The following LRRC40 variants were observed in gnomAD, a reference collection of about 807,000 sequenced individuals.
LRRC40 encodes leucine-rich repeat-containing protein 40.
LRRC40 carries 76 observed loss-of-function variants against 72.8 expected under a neutral mutation model. That is an observed-to-expected ratio of 1.04 (90% CI 0.87 to 1.26). LRRC40 has a LOEUF of 1.26. LRRC40 is among the 50% of genes most tolerant of loss of function. LRRC40 has a pLI of 0.00. For missense variants in LRRC40, 684 were observed against 698.9 expected (o/e 0.98, Z 0.24); for synonymous variants, 243 against 254.2 (o/e 0.96, Z 0.42).
chr1:70,153,915 C>A (rs1479957578), intron 11 of LRRC40, among the ~76,000 whole-genome samples: 8 of 144,614 alleles, frequency 5.5e-5, no homozygotes, highest in Middle Eastern at 3.7e-3. Context: ...TAAGGGTGCA[C>A]TGAGCCGCGA....
At chr1:70,174,847 T>C (rs926396314) in intron 7 of LRRC40, among the ~76,000 whole-genome samples, 1 of 152,150 alleles carries the variant, frequency 6.6e-6, no homozygotes, top group Non-Finnish European at 1.5e-5. Context: ...ATGGCTGTGA[T>C]TACGGTTACA....
chr1:70,171,186 C>G (rs1019116033), intron 9 of LRRC40, among the ~76,000 whole-genome samples: 6 of 151,994 alleles, frequency 3.9e-5, no homozygotes, highest in Non-Finnish European at 8.8e-5. Flanking sequence ...TTACCTCACA[C>G]TGCATATAAA....
In LRRC40 at chr1:70,205,501, C is replaced by A; in HGVS notation, c.40G>T (p.Ala14Ser). Residue 14 changes from alanine (A) to serine (S), a missense_variant, in exon 1 of 15, where the codon GCT becomes TCT. Coordinates refer to ENST00000370952, the MANE Select transcript of LRRC40 (RefSeq NM_017768.5). ...TCTCTTCCACCTGCTTTGAAACCAG[C>A]GCGGAGATCCTGCCCCGCTATCCGC... The part of the protein sequence containing the change: ...LKRIAGQDLR[A>S]GFKAGGRDCG... 1 of 1,605,312 alleles carries A rather than the reference C, an allele frequency of 6.2e-7. No individual in the cohort carries two copies. Among genetic ancestry groups the A allele is most frequent in the Non-Finnish European group, 8.5e-7 (1 of 1,172,992 alleles).
In LRRC40 at chr1:70,145,769, T is replaced by A; in HGVS notation, c.*31A>T. 8.8e-7 allele frequency: 1 copy of A among 1,138,606 alleles called. No homozygotes were observed. Among genetic ancestry groups the A allele is most frequent in the Non-Finnish European group, 1.3e-6 (1 of 751,380 alleles). 70.5% of individuals were successfully genotyped at this position (1,138,606 alleles called of 1,614,324 possible). On this transcript the variant is annotated 3_prime_UTR_variant, in exon 15 of 15. Transcript: ENST00000370952. ...CCTTAGAATTAACCAGGGTTAATAATACATGACAAGGGTTATAAAGCAACT... is the reference window on the plus strand; with the variant it reads ...CCTTAGAATTAACCAGGGTTAATAAAACATGACAAGGGTTATAAAGCAACT...
At chr1:70,185,844 A>G (rs79043654) in intron 3 of LRRC40, among the ~76,000 whole-genome samples, 2,077 of 152,304 alleles carry the variant, frequency 0.014, 19 homozygotes, top group South Asian at 0.027. Flanking sequence ...GGAGGATGAT[A>G]GACTTCATGA....
chr1:70,202,169 G>A (rs1042272668), intron 1 of LRRC40, among the ~76,000 whole-genome samples: 1 of 152,048 alleles, frequency 6.6e-6, no homozygotes, highest in African/African-American at 2.4e-5. Flanking sequence ...TCTCTTATAT[G>A]ATCCAGTGAT....
chr1:70,183,324 A>G (rs1421061864), intron 4 of LRRC40, among the ~76,000 whole-genome samples: 3 of 152,118 alleles, frequency 2.0e-5, no homozygotes, highest in Non-Finnish European at 4.4e-5. Flanking sequence ...GATATTATAT[A>G]TTAGTACCTT....
At chr1:70,200,853 G>A (rs562984806) in intron 1 of LRRC40, among the ~76,000 whole-genome samples, 58 of 152,274 alleles carry the variant, frequency 3.8e-4, no homozygotes, top group Admixed American at 2.0e-3. Flanking sequence ...GGGAGAAAGC[G>A]CAATCTGAAA....
intron 1 of LRRC40, among the ~76,000 whole-genome samples, chr1:70,193,706 A>T (rs1027849980): frequency 6.6e-6 from 1 of 152,030 alleles, no homozygotes; most frequent in Non-Finnish European, 1.5e-5. Context: ...TTATAGACCC[A>T]AATTCCTGAA....
At chr1:70,156,954 T>C (rs950242252) in intron 10 of LRRC40, among the ~76,000 whole-genome samples, 1 of 152,218 alleles carries the variant, frequency 6.6e-6, no homozygotes, top group Non-Finnish European at 1.5e-5. Flanking sequence ...GACTACTATA[T>C]AGAACTCTAA....
Position 70,189,292 on chromosome 1 carries a change from C to T in LRRC40, c.152-19G>A. ...TGCGGCACTAGTTCCATCAGCACCACACCAGGAAAAAAAAAAAAAAAAAAA... is the reference window on the plus strand; with the variant it reads ...TGCGGCACTAGTTCCATCAGCACCATACCAGGAAAAAAAAAAAAAAAAAAA... On this transcript the variant is annotated intron_variant, in intron 1 of 14. Transcript: ENST00000370952. 6 of 1,154,890 alleles carry T rather than the reference C, an allele frequency of 5.2e-6. No homozygotes were observed. The highest frequency in any genetic ancestry group is 6.9e-6 in the Non-Finnish European group (6 of 869,592). The allele number at this position is 1,154,890 out of a possible 1,614,324, so 71.5% of individuals were successfully genotyped here.
At position 70,148,658 on chromosome 1, in the gene LRRC40, G is replaced by A. The variant is rs1199513940; in HGVS notation, c.1532C>T (p.Pro511Leu). ...TGTGAAGATACGATATAGAACTTCAGGTAGCATTTTAAACCTATTAATACA... is the reference window on the plus strand; with the variant it reads ...TGTGAAGATACGATATAGAACTTCAAGTAGCATTTTAAACCTATTAATACA... ...NLSFNRFKML[P>L]EVLYRIFTLE... Residue 511 changes from proline to leucine, a missense_variant, in exon 14 of 15, where the codon CCT becomes CTT. Transcript: ENST00000370952. 2 of 1,604,950 alleles carry A rather than the reference G, an allele frequency of 1.2e-6. No individual in the cohort carries two copies. Among genetic ancestry groups the A allele is most frequent in the Non-Finnish European group, 8.5e-7 (1 of 1,173,492 alleles).
At chr1:70,179,695 T>C (rs1668199327) in intron 5 of LRRC40, among the ~76,000 whole-genome samples, 1 of 152,164 alleles carries the variant, frequency 6.6e-6, no homozygotes, top group Admixed American at 6.6e-5. Flanking sequence ...TTCCTATCTC[T>C]CAAGATATTT....
At chr1:70,174,440 A>G (rs1326580353) in intron 7 of LRRC40, among the ~76,000 whole-genome samples, 1 of 152,130 alleles carries the variant, frequency 6.6e-6, no homozygotes, top group Non-Finnish European at 1.5e-5. Flanking sequence ...ACACTGCTAC[A>G]CGTTTACTCA....
intron 14 of LRRC40, 64 bp downstream of exon 14, chr1:70,148,423 A>G: frequency 1.8e-6 from 2 of 1,085,606 alleles, no homozygotes; most frequent in African/African-American, 1.7e-5. Context: ...CTGAAAAAGA[A>G]AAACAAATCA....
In LRRC40 at chr1:70,148,617, T is replaced by C; in HGVS notation, c.1573A>G (p.Ile525Val). Reference protein sequence around the residue: ...YRIFTLETILISNNQVGSVDP... With the variant: ...YRIFTLETILVSNNQVGSVDP... ...ACAGATCCAACCTGATTATTACTAA[T>C]CAGAATTGTTTCAAGTGTGAAGATA... The change falls in exon 14 of 15, where the codon ATT becomes GTT. Residue 525 changes from isoleucine to valine, a missense_variant. By Grantham distance (29) the Ile-to-Val change is conservative (BLOSUM62 3). Coordinates refer to ENST00000370952, the MANE Select transcript of LRRC40 (RefSeq NM_017768.5). 1 of 1,613,018 alleles carries C rather than the reference T, an allele frequency of 6.2e-7. No individual in the cohort carries two copies. The highest frequency in any genetic ancestry group is 8.5e-7 in the Non-Finnish European group (1 of 1,179,232).
At chr1:70,176,283 AG>A (rs1571467345) in intron 6 of LRRC40, among the ~76,000 whole-genome samples, 3 of 152,212 alleles carry the variant, frequency 2.0e-5, no homozygotes, top group African/African-American at 7.2e-5. Context: ...CTGTAATCCC[AG>A]CTCTTTGGGA....
At position 70,159,339 on chromosome 1, in the gene LRRC40, A is replaced by C. The variant is rs770598307; in HGVS notation, c.1211T>G (p.Leu404Ter). The change falls in exon 10 of 15, where the codon TTA (leucine) becomes TGA (stop). Residue 404 changes from leucine (L) to a stop codon, truncating the protein, a stop_gained. Coordinates refer to ENST00000370952, the MANE Select transcript of LRRC40 (RefSeq NM_017768.5). LOFTEE classifies it high-confidence loss of function. Reference sequence around the variant, plus strand: ...ATAATAAATTACATACCTATAGTCTAATATTTTTAATGTAATGATGGCATG... The same window carrying C: ...ATAATAAATTACATACCTATAGTCTCATATTTTTAATGTAATGATGGCATG... ...NIHAIITLKILDYSDKQATLI... is the reference protein window; with the variant it reads ...NIHAIITLKI The C allele has an allele frequency of 7.1e-7, 1 of 1,410,884 alleles. No individual in the cohort carries two copies. The highest frequency in any genetic ancestry group is 9.9e-7 in the Non-Finnish European group (1 of 1,005,934). The allele number at this position is 1,410,884 out of a possible 1,614,324, so 87.4% of individuals were successfully genotyped here.
At chr1:70,163,046 T>C (rs914112115) in intron 9 of LRRC40, among the ~76,000 whole-genome samples, 3 of 151,874 alleles carry the variant, frequency 2.0e-5, no homozygotes, top group Non-Finnish European at 2.9e-5. Flanking sequence ...GGTTTGGCAA[T>C]GGCAAGTCTG....
Sources: gnomAD v4.1 joint callset for allele counts (sites outside exome capture counted in the v4.1 genomes callset) on GRCh38, gnomAD v4.1.1 for gene constraint, MANE v1.5 for transcripts, NCBI Gene and HGNC (gene_info 2026-07-23, HGNC 2026-07-21) for gene names.